SLCO1C1: variants seen among roughly 807,000 people sequenced by gnomAD.
The protein encoded by SLCO1C1 is OAT-RP-5.
In SLCO1C1, 70 loss-of-function variants were observed where a neutral mutation model predicts 76.4. The observed-to-expected ratio is 0.92, with a 90% CI of 0.76 to 1.12. The LOEUF (loss-of-function observed/expected upper bound fraction) is 1.12, where lower values mean the gene tolerates loss of function less well. Ranked by LOEUF, SLCO1C1 falls within the 50% of genes most tolerant of loss-of-function variation. The pLI is 0.00. For missense variants in SLCO1C1, 912 were observed against 823.8 expected (o/e 1.11, Z -1.31); for synonymous variants, 306 against 286.1 (o/e 1.07, Z -0.70).
rs755197753 is a variant in SLCO1C1, at chr12:20,717,165, T to A, written c.710T>A (p.Ile237Asn). 1 of 1,605,076 alleles carries A rather than the reference T, an allele frequency of 6.2e-7. No homozygotes were observed. The highest frequency in any genetic ancestry group is 8.5e-7 in the Non-Finnish European group (1 of 1,177,106). ...CVQTVAIIGP[I>N]FGFLLGSLCA... ...CAGACGGTTGCAATTATAGGACCAA[T>A]CTTTGGTTTCCTGTTAGGCTCATTA... The change falls in exon 7 of 15, where the codon ATC becomes AAC. Residue 237 changes from isoleucine (I) to asparagine (N), a missense_variant. Ile to Asn is a moderately radical substitution (Grantham distance 149). Transcript: ENST00000266509.
intron 13 of SLCO1C1, among the ~76,000 whole-genome samples, chr12:20,744,559 A>G (rs1188619250): frequency 6.6e-6 from 1 of 152,144 alleles, no homozygotes; most frequent in Non-Finnish European, 1.5e-5. Context: ...GCCTTTTAAT[A>G]TATAGAAAGA....
intron 7 of SLCO1C1, among the ~76,000 whole-genome samples, chr12:20,719,290 C>G (rs1482392983): frequency 6.6e-6 from 1 of 152,092 alleles, no homozygotes; most frequent in East Asian, 1.9e-4. Context: ...CCCTGTCTCT[C>G]TTTTTGGACT....
At chr12:20,743,412 T>C in intron 13 of SLCO1C1, 43 bp downstream of exon 13, 2 of 1,486,226 alleles carry the variant, frequency 1.3e-6, no homozygotes, top group East Asian at 2.3e-5. Flanking sequence ...ACACCGTAAG[T>C]GTATTTTGAA....
Position 20,723,221 on chromosome 12 carries a change from G to C in SLCO1C1, c.1153G>C (p.Gly385Arg). The C allele has an allele frequency of 6.2e-7, 1 of 1,613,906 alleles. No homozygotes were observed. Among genetic ancestry groups the C allele is most frequent in the Non-Finnish European group, 8.5e-7 (1 of 1,179,956 alleles). The change falls in exon 9 of 15, where the codon GGA becomes CGA. Residue 385 changes from glycine (G) to arginine (R), a missense_variant. Transcript: ENST00000266509. ...YKPKYIEQQY[G>R]QSSSRANFVI... Reference sequence around the variant, plus strand: ...ACCAAAGTACATTGAGCAGCAGTATGGACAGTCATCCTCCAGGGCCAACTT... The same window carrying C: ...ACCAAAGTACATTGAGCAGCAGTATCGACAGTCATCCTCCAGGGCCAACTT...
chr12:20,750,409 A>G (rs1216069646), intron 13 of SLCO1C1, among the ~76,000 whole-genome samples: 1 of 152,192 alleles, frequency 6.6e-6, no homozygotes, highest in African/African-American at 2.4e-5. Flanking sequence ...GGACAGGTCT[A>G]TAGGGGAAGA....
chr12:20,743,272 T>C (rs1288464261), intron 12 of SLCO1C1, 33 bp from the exon 13 acceptor site: 1 of 1,596,066 alleles, frequency 6.3e-7, no homozygotes, highest in African/African-American at 1.3e-5. Flanking sequence ...ATGGATTATA[T>C]ATTTCTTGTA....
chr12:20,736,003 GA>G (rs1327831951), intron 10 of SLCO1C1, among the ~76,000 whole-genome samples: 53 of 152,144 alleles, frequency 3.5e-4, no homozygotes, highest in African/African-American at 1.3e-3. Context: ...TGGGAGGAAA[GA>G]TATGAGGAAT....
chr12:20,741,801 A>G (rs978433203), intron 12 of SLCO1C1, among the ~76,000 whole-genome samples: 10 of 152,216 alleles, frequency 6.6e-5, no homozygotes, highest in African/African-American at 2.4e-4. Context: ...TACAACTGAT[A>G]AAAATCACTT....
At chr12:20,703,259 T>C (rs1201000830) in intron 3 of SLCO1C1, among the ~76,000 whole-genome samples, 1 of 151,924 alleles carries the variant, frequency 6.6e-6, no homozygotes, top group Admixed American at 6.6e-5. Context: ...ACAAATATCA[T>C]CCTCCGTCTT....
Position 20,743,358 on chromosome 12 carries a change from T to C in SLCO1C1, c.1787T>C (p.Ile596Thr), listed in dbSNP as rs535727745. 3.3e-5 allele frequency: 53 copies of C among 1,612,632 alleles called. No individual in the cohort carries two copies. The South Asian group carries it at 4.5e-4, about 14-fold the overall frequency. The change falls in exon 13 of 15, where the codon ATA becomes ACA. Residue 596 changes from isoleucine (I) to threonine (T), a missense_variant. Physicochemically the swap from Ile to Thr is moderately conservative, Grantham distance 89. Coordinates refer to ENST00000266509, the MANE Select transcript of SLCO1C1 (RefSeq NM_017435.5). Reference protein sequence around the residue: ...SFALGIYTLAIRVLAGIPAPV... With the variant: ...SFALGIYTLATRVLAGIPAPV... Reference sequence around the variant, plus strand: ...GCCTTGGGTATCTACACATTAGCAATAAGAGTTCTTGGTAAGTTTAACCTA... The same window carrying C: ...GCCTTGGGTATCTACACATTAGCAACAAGAGTTCTTGGTAAGTTTAACCTA...
At chr12:20,727,810 C>G (rs373760456) in intron 9 of SLCO1C1, among the ~76,000 whole-genome samples, 1 of 152,046 alleles carries the variant, frequency 6.6e-6, no homozygotes, top group Non-Finnish European at 1.5e-5. Context: ...CGCCCGGCCA[C>G]GTGTTTTCTT....
Position 20,750,616 on chromosome 12 carries a change from G to A in SLCO1C1, c.1799-59G>A, listed in dbSNP as rs1161079972. 8.7e-6 allele frequency: 13 copies of A among 1,488,476 alleles called. No homozygotes were observed. The Admixed American group carries it at 1.4e-4, about 16-fold the overall frequency. 92.2% of individuals were successfully genotyped at this position (1,488,476 alleles called of 1,614,324 possible). On this transcript the variant is annotated intron_variant, in intron 13 of 14. Transcript: ENST00000266509. ...TTAAAGTAAGTGGTTTCAGATAATC[G>A]TTCATAGACAAAAAGATGTGCATAT... is the stretch of plus-strand genomic sequence containing the variant.
intron 5 of SLCO1C1, among the ~76,000 whole-genome samples, chr12:20,713,187 C>T (rs1947208002): frequency 6.6e-6 from 1 of 150,720 alleles, no homozygotes; most frequent in Non-Finnish European, 1.5e-5. Flanking sequence ...TCACGCCATT[C>T]TCCTGCCTCA....
At chr12:20,748,195 A>G (rs970516331) in intron 13 of SLCO1C1, among the ~76,000 whole-genome samples, 1 of 152,166 alleles carries the variant, frequency 6.6e-6, no homozygotes, top group Non-Finnish European at 1.5e-5. Context: ...ATATCTCTAA[A>G]ATCTTTTTTA....
Position 20,723,454 on chromosome 12 carries a change from G to C in SLCO1C1, c.1186+200G>C, listed in dbSNP as rs1565522180. On this transcript the variant is annotated intron_variant, in intron 9 of 14. Transcript: ENST00000266509. The stretch of plus-strand genomic sequence containing the variant: ...ACCCAGAGAGCAAGCAGTTCTTGAA[G>C]TGATATCATAGAGATGAAACATGCA... Among the ~76,000 whole-genome samples the C allele has an allele frequency of 3.9e-5, 6 of 152,282 alleles. No homozygotes were observed. The South Asian group carries it at 1.2e-3, about 32-fold the overall frequency.
chr12:20,738,082 C>G lies in SLCO1C1; in HGVS notation c.1548+810C>G, dbSNP rs1043362574. 2.2e-4 allele frequency among the ~76,000 whole-genome samples: 34 copies of G among 152,064 alleles called. 1 individual carries two copies. The highest frequency in any genetic ancestry group is 7.7e-4 in the African/African-American group (32 of 41,486). ...GGGAGAGACAGGTCTCCTGTCTCTT[C>G]TTATAAGGGCACTAAAATCACATTC... is the stretch of plus-strand genomic sequence containing the variant. On this transcript the variant is annotated intron_variant, in intron 11 of 14. Transcript: ENST00000266509.
chr12:20,752,736 T>G lies in SLCO1C1; in HGVS notation c.*208T>G. The G allele has an allele frequency of 2.8e-6, 1 of 358,392 alleles. No individual in the cohort carries two copies. Among genetic ancestry groups the G allele is most frequent in the Non-Finnish European group, 4.9e-6 (1 of 202,388 alleles). 22.2% of individuals were successfully genotyped at this position (358,392 alleles called of 1,614,324 possible). Reference sequence around the variant, plus strand: ...GATGATAAAACTAATTTTGAACTTTTTAATTTATATAAATTATTTTATATC... The same window carrying G: ...GATGATAAAACTAATTTTGAACTTTGTAATTTATATAAATTATTTTATATC... On this transcript the variant is annotated 3_prime_UTR_variant, in exon 15 of 15. Coordinates refer to ENST00000266509, the MANE Select transcript of SLCO1C1 (RefSeq NM_017435.5).
At chr12:20,701,257 TTA>T in intron 2 of SLCO1C1, 59 bp from the exon 3 acceptor site, 4 of 1,380,264 alleles carry the variant, frequency 2.9e-6, no homozygotes, top group Non-Finnish European at 3.8e-6. Context: ...GTCTATTTAC[TTA>T]GTTTCCAATT....
Position 20,701,368 on chromosome 12 carries a change from A to C in SLCO1C1, c.180A>C (p.Glu60Asp). The change falls in exon 3 of 15, where the codon GAA becomes GAC. Residue 60 changes from glutamate to aspartate, a missense_variant. Physicochemically the swap from Glu to Asp is conservative, Grantham distance 45 (BLOSUM62 2). Coordinates refer to ENST00000266509, the MANE Select transcript of SLCO1C1 (RefSeq NM_017435.5). ...SFVYFAKALA[E>D]GYLKSTITQI... is the part of the protein sequence containing the mutation. ...TTTACTTTGCCAAAGCATTGGCAGA[A>C]GGCTATCTGAAGAGCACCATCACTC... 1 of 1,546,350 alleles carries C rather than the reference A, an allele frequency of 6.5e-7. No homozygotes were observed. Among genetic ancestry groups the C allele is most frequent in the Admixed American group, 1.7e-5 (1 of 58,550 alleles).
Sources: gnomAD v4.1 joint callset for allele counts (sites outside exome capture counted in the v4.1 genomes callset) on GRCh38, gnomAD v4.1.1 for gene constraint, MANE v1.5 for transcripts, NCBI Gene and HGNC (gene_info 2026-07-23, HGNC 2026-07-21) for gene names.